GLDC: variants seen among roughly 807,000 people sequenced by gnomAD.
GLDC encodes glycine decarboxylase.
Under a neutral mutation model 121.3 loss-of-function variants are expected in GLDC, and 104 were observed. That is an observed-to-expected ratio of 0.86 (90% CI 0.73 to 1.01). The LOEUF (loss-of-function observed/expected upper bound fraction) is 1.01, where lower values mean the gene tolerates loss of function less well. Among genes scored for constraint, GLDC ranks in the 50% least tolerant of loss-of-function variants. The pLI, the probability that GLDC is intolerant of heterozygous loss-of-function variation, is 0.00. For synonymous variants in GLDC, 546 were observed against 480.6 expected, an observed-to-expected ratio of 1.14 and a Z score of -1.78; for missense variants, 1,429 against 1,306.6, an observed-to-expected ratio of 1.09 and a Z score of -1.44.
At position 6,554,847 on chromosome 9, in the gene GLDC, C is replaced by T. The variant is rs899542521; in HGVS notation, c.2203-66G>A. 25 of 1,179,540 alleles carry T rather than the reference C, an allele frequency of 2.1e-5. No homozygotes were observed. The African/African-American group carries it at 3.5e-4, about 16-fold the overall frequency. 73.1% of individuals were successfully genotyped at this position (1,179,540 alleles called of 1,614,324 possible). A position where few individuals can be genotyped will look rare whatever the true frequency, so the allele number is the denominator to read the frequency against. The stretch of plus-strand genomic sequence containing the variant: ...TGGAAGCACCCTCCAGTGTGAAGGC[C>T]ATGGCTGGCCGGTGCTGCCTTCTCC... On this transcript the variant is annotated intron_variant, in intron 18 of 24. Coordinates refer to ENST00000321612, the MANE Select transcript of GLDC (RefSeq NM_000170.3).
intron 15 of GLDC, among the ~76,000 whole-genome samples, chr9:6,568,283 C>G (rs1414724775): frequency 6.6e-6 from 1 of 152,282 alleles, no homozygotes; most frequent in African/African-American, 2.4e-5. Context: ...AAATGTGACA[C>G]AAGGATTACT....
intron 16 of GLDC, among the ~76,000 whole-genome samples, chr9:6,560,422 C>T (rs893105189): frequency 4.6e-4 from 70 of 152,336 alleles, no homozygotes; most frequent in African/African-American, 1.5e-3. Context: ...CCCTTTAGAA[C>T]GGCTGTTGGT....
intron 21 of GLDC, among the ~76,000 whole-genome samples, chr9:6,543,830 T>C (rs115113910): frequency 6.6e-6 from 1 of 151,706 alleles, no homozygotes; most frequent in African/African-American, 2.4e-5. Flanking sequence ...TAGGTGTTTC[T>C]GCTGGACCTA....
intron 3 of GLDC, among the ~76,000 whole-genome samples, chr9:6,611,693 T>C (rs927326679): frequency 3.9e-5 from 6 of 152,226 alleles, no homozygotes; most frequent in African/African-American, 1.4e-4. Context: ...ACACTGCTTG[T>C]TTTTTCTGTT....
At chr9:6,613,482 T>C (rs1441172978) in intron 3 of GLDC, among the ~76,000 whole-genome samples, 1 of 152,222 alleles carries the variant, frequency 6.6e-6, no homozygotes, top group East Asian at 1.9e-4. Flanking sequence ...AAGAAGTTTT[T>C]GTATCTTAAC....
chr9:6,532,850 A>G lies in GLDC; in HGVS notation c.*167T>C, dbSNP rs1043696226. 3 of 680,070 alleles carry G rather than the reference A, an allele frequency of 4.4e-6. No individual in the cohort carries two copies. The African/African-American group carries it at 5.3e-5, about 12-fold the overall frequency. The allele number at this position is 680,070 out of a possible 1,614,324, so 42.1% of individuals were successfully genotyped here. A position where few individuals can be genotyped will look rare whatever the true frequency, so the allele number is the denominator to read the frequency against. ...ATCCGTCTTCCAACCATCAGCTTCG[A>G]CTCCCTCCAGCTACTGTATTTACAT... is the stretch of plus-strand genomic sequence containing the variant. On this transcript the variant is annotated 3_prime_UTR_variant, in exon 25 of 25. Coordinates refer to ENST00000321612, the MANE Select transcript of GLDC (RefSeq NM_000170.3).
intron 15 of GLDC, 172 bp from the exon 16 acceptor site, chr9:6,565,601 A>G: frequency 1.5e-6 from 1 of 682,922 alleles, no homozygotes; most frequent in Non-Finnish European, 2.7e-6. Flanking sequence ...GGTCTTGAAC[A>G]ATCAAAACAA....
At chr9:6,595,738 T>G (rs1380370710) in intron 8 of GLDC, among the ~76,000 whole-genome samples, 2 of 152,170 alleles carry the variant, frequency 1.3e-5, no homozygotes, top group African/African-American at 4.8e-5. Flanking sequence ...GAAGCCGAGA[T>G]GGATCACTTG....
At chr9:6,582,790 C>T (rs1587942900) in intron 15 of GLDC, among the ~76,000 whole-genome samples, 1 of 151,094 alleles carries the variant, frequency 6.6e-6, no homozygotes, top group Admixed American at 6.6e-5. Context: ...TATCGCGCCA[C>T]TGCACTCCAG....
At chr9:6,566,025 C>T (rs1245875953) in intron 15 of GLDC, among the ~76,000 whole-genome samples, 1 of 152,100 alleles carries the variant, frequency 6.6e-6, no homozygotes, top group Non-Finnish European at 1.5e-5. Flanking sequence ...GCAGAGCATT[C>T]GAGCTCAGAA....
At chr9:6,594,891 T>C in intron 9 of GLDC, 123 bp downstream of exon 9, 1 of 732,542 alleles carries the variant, frequency 1.4e-6, no homozygotes, top group Non-Finnish European at 2.5e-6. Context: ...TTGAAAGTAT[T>C]TTTCCTCGTT....
chr9:6,563,636 C>G (rs1009580327), intron 16 of GLDC, among the ~76,000 whole-genome samples: 1 of 152,158 alleles, frequency 6.6e-6, no homozygotes, highest in Non-Finnish European at 1.5e-5. Context: ...ACTCTCAGGT[C>G]CCAAGAGCAA....
At chr9:6,638,846 T>A (rs1053192492) in intron 2 of GLDC, among the ~76,000 whole-genome samples, 21 of 151,896 alleles carry the variant, frequency 1.4e-4, no homozygotes, top group African/African-American at 4.8e-4. Context: ...CCGTCTCTAC[T>A]AAAAATATAA....
intron 17 of GLDC, chr9:6,558,339 C>T (rs1817678702): frequency 3.0e-6 from 2 of 666,258 alleles, no homozygotes; most frequent in African/African-American, 1.8e-5. Context: ...TTACTACCAC[C>T]ATGAATAATT....
intron 3 of GLDC, among the ~76,000 whole-genome samples, chr9:6,610,892 A>C (rs6477097): frequency 0.36 from 54,701 of 152,194 alleles, 10,103 homozygotes; most frequent in African/African-American, 0.41. Context: ...GAGCCACTGC[A>C]CTTGAGGCTA....
At chr9:6,565,513 G>A in intron 15 of GLDC, 84 bp from the exon 16 acceptor site, 1 of 996,650 alleles carries the variant, frequency 1.0e-6, no homozygotes, top group South Asian at 1.3e-5. Flanking sequence ...CCCTGGCCAG[G>A]GGTTCACCAG....
chr9:6,548,915 A>G (rs1817451829), intron 21 of GLDC, among the ~76,000 whole-genome samples: 1 of 152,178 alleles, frequency 6.6e-6, no homozygotes, highest in Non-Finnish European at 1.5e-5. Context: ...AAATATAACT[A>G]CATCCTACTG....
rs1177974911 is a variant in GLDC at position 6,532,896 on chromosome 9, G to C, written c.*121C>G. On this transcript the variant is annotated 3_prime_UTR_variant, in exon 25 of 25. Transcript: ENST00000321612. ...TACATTTACCTTGACAGAGATTACA[G>C]AGATATACACAGTATATAAAACTCC... is the stretch of plus-strand genomic sequence containing the variant. 7 of 779,578 alleles carry C rather than the reference G, an allele frequency of 9.0e-6. No individual in the cohort carries two copies. Among genetic ancestry groups the C allele is most frequent in the Non-Finnish European group, 1.4e-5 (6 of 429,610 alleles). The allele number at this position is 779,578 out of a possible 1,614,324, so 48.3% of individuals were successfully genotyped here.
In GLDC at chr9:6,550,930, A is replaced by G; in HGVS notation, c.2458-16T>C. On this transcript the variant is annotated splice_polypyrimidine_tract_variant and intron_variant, in intron 20 of 24. Transcript: ENST00000321612. ...CTCCCATCATCTGCAACAAAGGGAA[A>G]AAGAGCCATTAGCCATTGAACAGGC... 1 of 1,514,270 alleles carries G rather than the reference A, an allele frequency of 6.6e-7. No homozygotes were observed. Among genetic ancestry groups the G allele is most frequent in the Non-Finnish European group, 9.2e-7 (1 of 1,088,952 alleles). The allele number at this position is 1,514,270 out of a possible 1,614,324, so 93.8% of individuals were successfully genotyped here.
Sources: gnomAD v4.1 joint callset for allele counts (sites outside exome capture counted in the v4.1 genomes callset) on GRCh38, gnomAD v4.1.1 for gene constraint, MANE v1.5 for transcripts, NCBI Gene and HGNC (gene_info 2026-07-23, HGNC 2026-07-21) for gene names.